Variants in EFR3B observed in about 807,000 individuals in gnomAD.
EFR3B encodes the protein protein EFR3 homolog B.
In EFR3B, 64 loss-of-function variants were observed where a neutral mutation model predicts 104.7. The ratio of observed to expected loss-of-function variants is 0.61; its 90% CI spans 0.50 to 0.75. The LOEUF is 0.75. EFR3B is among the 30% of genes least tolerant of loss of function. The probability of loss-of-function intolerance (pLI) is 0.00; values close to 1 mark genes in which losing one functional copy is unlikely to be tolerated. For synonymous variants in EFR3B, 385 were observed against 417.9 expected, an observed-to-expected ratio of 0.92 and a Z score of 0.96; for missense variants, 750 against 1,078.5, an observed-to-expected ratio of 0.70 and a Z score of 4.27.
Position 25,149,686 on chromosome 2 carries a change from T to C in EFR3B, c.2143-8T>C, listed in dbSNP as rs928498048. 2 of 1,551,450 alleles carry C rather than the reference T, an allele frequency of 1.3e-6. No individual in the cohort carries two copies. On this transcript the variant is annotated splice_polypyrimidine_tract_variant and splice_region_variant and intron_variant, in intron 19 of 22. Transcript: ENST00000403714. ...CCTTTCTGAGCATCTCTGTCCCTTC[T>C]CCTTCAGCGAGTGCCTGCCGAGGAG...
At chr2:25,094,797 A>AT (rs1669232911) in intron 3 of EFR3B, among the ~76,000 whole-genome samples, 1 of 151,626 alleles carries the variant, frequency 6.6e-6, no homozygotes, top group African/African-American at 2.4e-5. Flanking sequence ...ATTTATTATT[A>AT]TTATTTTTTT....
intron 21 of EFR3B, among the ~76,000 whole-genome samples, 174 bp downstream of exon 21, chr2:25,152,194 C>A (rs575202233): frequency 6.6e-6 from 1 of 151,704 alleles, no homozygotes; most frequent in South Asian, 2.1e-4. Flanking sequence ...CGCTGTTGCC[C>A]TGCCAGGCTT....
Position 25,042,483 on chromosome 2 carries a change from C to T in EFR3B, c.7+164C>T. Reference sequence around the variant, plus strand: ...GCTCTGTGCGCGCGCGTCTGCGCTGCGAGGACAAAGATGCCTCGGGCCGGG... The same window carrying T: ...GCTCTGTGCGCGCGCGTCTGCGCTGTGAGGACAAAGATGCCTCGGGCCGGG... On this transcript the variant is annotated intron_variant, in intron 1 of 22. Transcript: ENST00000403714. The surrounding 1 kb of genome is among the most constrained non-coding windows in gnomAD (Gnocchi z 5.4). 4 of 1,206,118 alleles carry T rather than the reference C, an allele frequency of 3.3e-6. No homozygotes were observed. The highest frequency in any genetic ancestry group is 4.1e-6 in the Non-Finnish European group (4 of 971,590). 74.7% of individuals were successfully genotyped at this position (1,206,118 alleles called of 1,614,324 possible).
chr2:25,048,797 G>T (rs568708407), intron 1 of EFR3B, among the ~76,000 whole-genome samples: 50 of 152,130 alleles, frequency 3.3e-4, no homozygotes, highest in Non-Finnish European at 5.9e-4. Context: ...CAGGCATTTG[G>T]GGCCACTACC....
intron 1 of EFR3B, among the ~76,000 whole-genome samples, chr2:25,069,520 G>A (rs1182654264): frequency 2.6e-5 from 4 of 152,230 alleles, no homozygotes; most frequent in African/African-American, 9.6e-5. Flanking sequence ...TATTGAAGTG[G>A]CAGCATTACA....
At position 25,042,768 on chromosome 2, in the gene EFR3B, G is replaced by C; in HGVS notation, c.7+449G>C. The C allele has an allele frequency of 1.1e-6, 1 of 891,906 alleles. No individual in the cohort carries two copies. The highest frequency in any genetic ancestry group is 5.2e-5 in the South Asian group (1 of 19,328). 55.2% of individuals were successfully genotyped at this position (891,906 alleles called of 1,614,324 possible). A position where few individuals can be genotyped will look rare whatever the true frequency, so the allele number is the denominator to read the frequency against. On this transcript the variant is annotated intron_variant, in intron 1 of 22. Coordinates refer to ENST00000403714, the MANE Select transcript of EFR3B (RefSeq NM_014971.2). This position sits in a 1 kb window ranked among gnomAD's most constrained non-coding sequence, Gnocchi z 5.4. ...TCGGAGAAGGCGGGAGGCGGCGCCG[G>C]CGGCGCAGAGGCCCGGGGAGCAGCC... is the stretch of plus-strand genomic sequence containing the variant.
intron 15 of EFR3B, among the ~76,000 whole-genome samples, chr2:25,138,821 T>C (rs566688116): frequency 6.6e-6 from 1 of 152,228 alleles, no homozygotes; most frequent in East Asian, 1.9e-4. Context: ...TCATTGCCTC[T>C]GTAGTCTGTG....
chr2:25,142,093 G>T (rs188394148), intron 17 of EFR3B, among the ~76,000 whole-genome samples: 1 of 152,146 alleles, frequency 6.6e-6, no homozygotes, highest in Non-Finnish European at 1.5e-5. Context: ...GAGCCCATGA[G>T]TTCGAGACAA....
intron 1 of EFR3B, among the ~76,000 whole-genome samples, chr2:25,049,952 T>TAAAA (rs59279308): frequency 3.8e-5 from 4 of 104,868 alleles, no homozygotes; most frequent in African/African-American, 1.4e-4. Context: ...ACATTTCTAC[T>TAAAA]AAAAAAAAAA....
At chr2:25,051,897 C>A (rs1436533394) in intron 1 of EFR3B, among the ~76,000 whole-genome samples, 4 of 150,496 alleles carry the variant, frequency 2.7e-5, no homozygotes, top group Non-Finnish European at 5.9e-5. Flanking sequence ...ACCTCGGCCT[C>A]CCAAAGTGCT....
intron 1 of EFR3B, among the ~76,000 whole-genome samples, chr2:25,074,408 T>C (rs1045983279): frequency 6.6e-6 from 1 of 151,834 alleles, no homozygotes; most frequent in Non-Finnish European, 1.5e-5. Context: ...TCTACTAAAA[T>C]ACAAAAATTA....
At chr2:25,146,717 A>T (rs76722503) in intron 19 of EFR3B, 13,382 of 152,256 alleles carry the variant, frequency 0.088, 1,300 homozygotes, top group African/African-American at 0.25. Context: ...CTTAGCCCAG[A>T]GGTAGCTTGG....
rs1671111973 is a variant in EFR3B, at chr2:25,154,716, GGTTGGTGA to G, written c.*378_*385del. 2 of 184,384 alleles carry G rather than the reference GGTTGGTGA, an allele frequency of 1.1e-5. No homozygotes were observed. Among genetic ancestry groups the G allele is most frequent in the Non-Finnish European group, 2.2e-5 (2 of 90,046 alleles). The allele number at this position is 184,384 out of a possible 1,614,324, so 11.4% of individuals were successfully genotyped here. On this transcript the variant is annotated 3_prime_UTR_variant, in exon 23 of 23. Transcript: ENST00000403714. The surrounding 1 kb of genome is among the most constrained non-coding windows in gnomAD (Gnocchi z 4.1). ...AGAGGACGGAGCTGGATGGAGACTTGGTTGGTGAGAGGAAGCTAAGGACTCTACTCCCC... is the reference window on the plus strand; with the variant it reads ...AGAGGACGGAGCTGGATGGAGACTTGGAGGAAGCTAAGGACTCTACTCCCC...
In EFR3B at chr2:25,144,890, T is replaced by C. The variant is rs980376063; in HGVS notation, c.2051-70T>C. On this transcript the variant is annotated intron_variant, in intron 18 of 22. Coordinates refer to ENST00000403714, the MANE Select transcript of EFR3B (RefSeq NM_014971.2). ...AAGCAAAGGCAGAGGGGTAGGGAGGTGGGACTAGCAGCTCAGTCCTGGATC... is the reference window on the plus strand; with the variant it reads ...AAGCAAAGGCAGAGGGGTAGGGAGGCGGGACTAGCAGCTCAGTCCTGGATC... The C allele has an allele frequency of 2.4e-5, 32 of 1,357,954 alleles. No individual in the cohort carries two copies. The Middle Eastern group carries it at 2.2e-3, about 91-fold the overall frequency. The allele number at this position is 1,357,954 out of a possible 1,614,324, so 84.1% of individuals were successfully genotyped here. A position where few individuals can be genotyped will look rare whatever the true frequency, so the allele number is the denominator to read the frequency against.
chr2:25,128,406 T>G (rs1670225082), intron 6 of EFR3B, 74 bp downstream of exon 6: 3 of 1,532,302 alleles, frequency 2.0e-6, no homozygotes, highest in Non-Finnish European at 2.6e-6. Context: ...CCACATGGTT[T>G]GGGTTGGTCA....
At chr2:25,062,368 A>G (rs186364335) in intron 1 of EFR3B, among the ~76,000 whole-genome samples, 15 of 152,364 alleles carry the variant, frequency 9.8e-5, no homozygotes, top group Non-Finnish European at 1.9e-4. Context: ...TGGTTACACA[A>G]GTGTAAAAGC....
At chr2:25,093,169 A>G in intron 3 of EFR3B, 39 bp downstream of exon 3, 1 of 1,548,210 alleles carries the variant, frequency 6.5e-7, no homozygotes, top group South Asian at 1.2e-5. Context: ...ATTGTCAGGA[A>G]CTATATTGTT....
intron 21 of EFR3B, 46 bp from the exon 22 acceptor site, chr2:25,153,666 T>C (rs1573243305): frequency 1.3e-6 from 2 of 1,548,004 alleles, no homozygotes; most frequent in African/African-American, 2.7e-5. Context: ...GCAGAGGTTC[T>C]GGACCCCCCA....
chr2:25,058,406 C>G (rs533936694), intron 1 of EFR3B: 1 of 152,206 alleles, frequency 6.6e-6, no homozygotes, highest in East Asian at 1.9e-4. Flanking sequence ...GGAATCAAAA[C>G]CACAGTGAAA....
Sources: gnomAD v4.1 joint callset for allele counts (sites outside exome capture counted in the v4.1 genomes callset) on GRCh38, gnomAD v4.1.1 for gene constraint, Gnocchi (gnomAD v3.1) non-coding constraint, MANE v1.5 for transcripts, NCBI Gene and HGNC (gene_info 2026-07-23, HGNC 2026-07-21) for gene names.